Variants in CLN8 observed in about 807,000 individuals in gnomAD.
CLN8 encodes the protein CLN8 transmembrane ER and ERGIC protein, also known as protein CLN8.
Under a neutral mutation model 15.7 loss-of-function variants are expected in CLN8, and 14 were observed. That is an observed-to-expected ratio of 0.89 (90% confidence interval 0.59 to 1.39). The LOEUF (loss-of-function observed/expected upper bound fraction) is 1.39. Ranked by LOEUF, CLN8 falls within the 40% of genes most tolerant of loss-of-function variation. The pLI, the probability that CLN8 is intolerant of heterozygous loss-of-function variation, is 0.00. For synonymous variants in CLN8, 188 were observed against 151.0 expected (o/e 1.25, Z -1.80); for missense variants, 415 against 364.0 (o/e 1.14, Z -1.14).
chr8:1,767,709 T>C (rs1424154388), intron 1 of CLN8, among the ~76,000 whole-genome samples: 1 of 150,608 alleles, frequency 6.6e-6, no homozygotes, highest in Non-Finnish European at 1.5e-5. Flanking sequence ...GTAGCTGGGA[T>C]CACAGGCATG....
upstream of CLN8, chr8:1,763,443 C>G (rs1408622311): frequency 8.1e-5 from 1 of 12,312 alleles, no homozygotes. Flanking sequence ...GCCCCGCCCC[C>G]CGCCGCGCCC....
At chr8:1,765,907 A>G (rs1297183533) in intron 1 of CLN8, among the ~76,000 whole-genome samples, 1 of 152,254 alleles carries the variant, frequency 6.6e-6, no homozygotes, top group East Asian at 1.9e-4. Context: ...TAGCAGGGAA[A>G]AAAGCATGCA....
chr8:1,773,842 G>A (rs1281653679), intron 2 of CLN8: 5 of 152,214 alleles, frequency 3.3e-5, no homozygotes, highest in Admixed American at 3.3e-4. Flanking sequence ...TGAAAGGAAA[G>A]CAGAGGCGCT....
At chr8:1,780,164 T>A (rs1320295511) in intron 2 of CLN8, 86 bp from the exon 3 acceptor site, 1 of 1,610,178 alleles carries the variant, frequency 6.2e-7, no homozygotes, top group Non-Finnish European at 8.5e-7. Flanking sequence ...GTTTGGTAAG[T>A]AAGGTAGCAA....
intron 1 of CLN8, chr8:1,758,484 G>A (rs1316126637): frequency 6.6e-6 from 1 of 152,218 alleles, no homozygotes; most frequent in African/African-American, 2.4e-5. Context: ...AGAAGTTACA[G>A]GCAGAAAATA....
intron 1 of CLN8, among the ~76,000 whole-genome samples, chr8:1,766,044 G>C (rs1169387601): frequency 2.0e-5 from 3 of 152,160 alleles, no homozygotes; most frequent in African/African-American, 7.2e-5. Context: ...GCATGACAGA[G>C]TCGAAGGGTT....
intron 2 of CLN8, among the ~76,000 whole-genome samples, chr8:1,774,729 A>C (rs1293081720): frequency 6.6e-6 from 1 of 152,224 alleles, no homozygotes; most frequent in South Asian, 2.1e-4. Context: ...GCGGTGGCTC[A>C]CACCTGTAAT....
At chr8:1,777,963 G>A (rs945507828) in intron 2 of CLN8, among the ~76,000 whole-genome samples, 2 of 152,252 alleles carry the variant, frequency 1.3e-5, no homozygotes, top group East Asian at 3.8e-4. Flanking sequence ...TATACACTGT[G>A]CGTTGTTGAC....
chr8:1,773,359 A>G (rs1020316216), intron 2 of CLN8, among the ~76,000 whole-genome samples: 6 of 152,188 alleles, frequency 3.9e-5, no homozygotes, highest in Non-Finnish European at 8.8e-5. Context: ...TACTGGAGAC[A>G]TCCTGGTGAG....
chr8:1,778,660 G>A (rs1352478531), intron 2 of CLN8, among the ~76,000 whole-genome samples: 2 of 152,222 alleles, frequency 1.3e-5, no homozygotes, highest in African/African-American at 2.4e-5. Flanking sequence ...GGTCTCTGAA[G>A]GCGTGTGTGT....
At chr8:1,759,893 G>C (rs556252696), upstream of CLN8, 29 of 152,288 alleles carry the variant, frequency 1.9e-4, no homozygotes, top group African/African-American at 7.0e-4. Flanking sequence ...ACATCCCTTT[G>C]AGGACACCGT....
intron 1 of CLN8, among the ~76,000 whole-genome samples, chr8:1,767,517 C>A (rs887781724): frequency 6.7e-6 from 1 of 149,232 alleles, no homozygotes; most frequent in Non-Finnish European, 1.5e-5. Context: ...AGTTGAACAT[C>A]TGGCTTGTAG....
intron 2 of CLN8, chr8:1,779,897 T>G (rs1801654955): frequency 3.1e-6 from 3 of 963,008 alleles, no homozygotes; most frequent in East Asian, 1.1e-4. Flanking sequence ...AAATAAGTAT[T>G]GTTTATTTAC....
intron 1 of CLN8, chr8:1,758,176 T>C (rs540728790): frequency 5.3e-5 from 8 of 152,338 alleles, no homozygotes; most frequent in Admixed American, 3.9e-4. Context: ...GAAAAAGAAA[T>C]GGACACAGTG....
intron 1 of CLN8, among the ~76,000 whole-genome samples, chr8:1,767,745 G>A (rs773197372): frequency 6.6e-6 from 1 of 150,752 alleles, no homozygotes; most frequent in African/African-American, 2.4e-5. Flanking sequence ...CTAATTTTTT[G>A]TATCTCTAAT....
At chr8:1,764,392 C>G (rs980724627) in intron 1 of CLN8, 1 of 152,758 alleles carries the variant, frequency 6.5e-6, no homozygotes, top group East Asian at 1.9e-4. Context: ...CGCCCCTGAC[C>G]TCGCTTCCCT....
At chr8:1,767,565 CTTTTT>C (rs1156569423) in intron 1 of CLN8, among the ~76,000 whole-genome samples, 140 of 81,324 alleles carry the variant, frequency 1.7e-3, no homozygotes, top group African/African-American at 6.9e-3. Context: ...ATGTTTCTTT[CTTTTT>C]TTTTTTTTTT....
chr8:1,767,911 T>A (rs373745944), intron 1 of CLN8, among the ~76,000 whole-genome samples: 1 of 151,520 alleles, frequency 6.6e-6, no homozygotes, highest in Non-Finnish European at 1.5e-5. Flanking sequence ...GATTCTGGGG[T>A]CCAGGGTGGT....
At chr8:1,762,051 G>T (rs556436447), upstream of CLN8, 5 of 152,344 alleles carry the variant, frequency 3.3e-5, no homozygotes, top group East Asian at 7.7e-4. Context: ...AAGTTAGTTT[G>T]GCCTACACCC....
Sources: gnomAD v4.1 joint callset for allele counts (sites outside exome capture counted in the v4.1 genomes callset) on GRCh38, gnomAD v4.1.1 for gene constraint, MANE v1.5 for transcripts, NCBI Gene and HGNC (gene_info 2026-07-23, HGNC 2026-07-21) for gene names.